XKR9: variants seen among roughly 807,000 people sequenced by gnomAD.
XKR9 encodes XK-related protein 9.
A neutral mutation model predicts 32.0 loss-of-function variants in XKR9; 32 were observed. The observed-to-expected ratio is 1.00, with a 90% CI of 0.76 to 1.34. XKR9 has a LOEUF of 1.34. Among genes scored for constraint, XKR9 ranks in the 40% most tolerant of loss-of-function variants. The pLI is 0.00. For synonymous variants in XKR9, 168 were observed against 143.4 expected (o/e 1.17, Z -1.22); for missense variants, 546 against 429.7 (o/e 1.27, Z -2.39).
the XKR9 span, among the ~76,000 whole-genome samples, chr8:71,036,967 G>A: frequency 6.6e-6 from 1 of 150,464 alleles, no homozygotes; most frequent in Non-Finnish European, 1.5e-5. Context: ...GCCTGCCTTG[G>A]CCTCCCAAAG....
the XKR9 span, among the ~76,000 whole-genome samples, chr8:70,885,762 A>C: frequency 6.6e-6 from 1 of 152,014 alleles, no homozygotes; most frequent in South Asian, 2.1e-4. Flanking sequence ...ACGCCCGGCT[A>C]ATTTTTTGTA....
At chr8:70,776,954 T>TATATATATATAC (rs1286110884) in intron 2 of XKR9, among the ~76,000 whole-genome samples, 80 of 89,208 alleles carry the variant, frequency 9.0e-4, no homozygotes, top group Admixed American at 1.8e-3. Context: ...TCTCTATATA[T>TATATATATATAC]ATATATATAT....
At chr8:70,807,122 A>G in the XKR9 span, among the ~76,000 whole-genome samples, 7 of 152,322 alleles carry the variant, frequency 4.6e-5, no homozygotes, top group African/African-American at 1.4e-4. Flanking sequence ...CAACATTCTT[A>G]AAGAAAAGAA....
At chr8:70,692,385 C>T (rs113677605) in intron 3 of XKR9, among the ~76,000 whole-genome samples, 5 of 148,692 alleles carry the variant, frequency 3.4e-5, no homozygotes, top group Non-Finnish European at 6.0e-5. Flanking sequence ...GACTCCTGCT[C>T]TTAGTATTTG....
the XKR9 span, among the ~76,000 whole-genome samples, chr8:70,918,240 A>C: frequency 1.3e-5 from 2 of 152,236 alleles, no homozygotes; most frequent in African/African-American, 4.8e-5. Flanking sequence ...AAGACAAAGT[A>C]TCCAGAGATT....
the XKR9 span, among the ~76,000 whole-genome samples, chr8:70,926,011 C>T: frequency 6.6e-6 from 1 of 152,160 alleles, no homozygotes; most frequent in East Asian, 1.9e-4. Flanking sequence ...ACACTAATGT[C>T]TTCAAGATGA....
intron 2 of XKR9, among the ~76,000 whole-genome samples, chr8:70,762,331 C>G (rs1381776694): frequency 6.6e-6 from 1 of 152,104 alleles, no homozygotes; most frequent in Non-Finnish European, 1.5e-5. Context: ...CAGGAGTCAC[C>G]AACCCCTGGG....
At chr8:71,010,803 C>T in the XKR9 span, among the ~76,000 whole-genome samples, 2 of 152,116 alleles carry the variant, frequency 1.3e-5, no homozygotes, top group Non-Finnish European at 2.9e-5. Flanking sequence ...TCTGCATTTT[C>T]ATATTTGAGT....
the XKR9 span, among the ~76,000 whole-genome samples, chr8:70,860,802 C>A: frequency 9.9e-5 from 15 of 151,980 alleles, no homozygotes; most frequent in Non-Finnish European, 1.8e-4. Context: ...GAGCTTTGGA[C>A]TTGGTTGTGT....
chr8:70,764,812 A>G (rs181327868), intron 2 of XKR9, among the ~76,000 whole-genome samples: 4 of 151,404 alleles, frequency 2.6e-5, no homozygotes, highest in Admixed American at 1.3e-4. Context: ...TTGTTGTTCA[A>G]CTCCCACTTA....
At chr8:70,705,631 A>T (rs1447911216) in intron 3 of XKR9, among the ~76,000 whole-genome samples, 1 of 152,138 alleles carries the variant, frequency 6.6e-6, no homozygotes, top group African/African-American at 2.4e-5. Flanking sequence ...TTGTGGTGGT[A>T]GCATGTGTGG....
At chr8:70,795,095 C>G (rs1807811705), downstream of XKR9, among the ~76,000 whole-genome samples, 1 of 151,598 alleles carries the variant, frequency 6.6e-6, no homozygotes, top group South Asian at 2.1e-4. Context: ...AGCTTAGTAC[C>G]CATTAGTTAT....
the XKR9 span, among the ~76,000 whole-genome samples, chr8:70,965,313 A>G: frequency 2.0e-5 from 3 of 152,144 alleles, no homozygotes; most frequent in African/African-American, 7.2e-5. Context: ...TATCATGGTG[A>G]ATAAGCTTTT....
chr8:70,757,708 C>T (rs191668076), intron 2 of XKR9, among the ~76,000 whole-genome samples: 181 of 152,174 alleles, frequency 1.2e-3, no homozygotes, highest in African/African-American at 4.3e-3. Context: ...GCCTTAGCCT[C>T]CCCAAGTAGC....
At chr8:70,945,668 T>C in the XKR9 span, among the ~76,000 whole-genome samples, 47 of 152,210 alleles carry the variant, frequency 3.1e-4, no homozygotes, top group African/African-American at 1.1e-3. Context: ...ATTCTTATTA[T>C]CTTATTTACA....
At chr8:70,975,515 T>A in the XKR9 span, among the ~76,000 whole-genome samples, 1 of 152,218 alleles carries the variant, frequency 6.6e-6, no homozygotes, top group Non-Finnish European at 1.5e-5. Flanking sequence ...TCCCCATTGC[T>A]TGTTTTTGTC....
Position 70,704,385 on chromosome 8 carries a change from A to T in XKR9, c.273-2548A>T, listed in dbSNP as rs777657945. On this transcript the variant is annotated intron_variant, in intron 3 of 4. Transcript: ENST00000408926. Reference sequence around the variant, plus strand: ...AAAGACACTGGACATTAAAATGTGTACATTTGTAGACAGCACTATCTGTTT... The same window carrying T: ...AAAGACACTGGACATTAAAATGTGTTCATTTGTAGACAGCACTATCTGTTT... 3.3e-5 allele frequency among the ~76,000 whole-genome samples: 5 copies of T among 152,154 alleles called. 1 individual carries two copies. The highest frequency in any genetic ancestry group is 7.4e-5 in the Non-Finnish European group (5 of 68,010).
intron 4 of XKR9, among the ~76,000 whole-genome samples, chr8:70,720,221 A>T (rs1806230672): frequency 6.6e-6 from 1 of 152,150 alleles, no homozygotes; most frequent in South Asian, 2.1e-4. Flanking sequence ...GGTATTCTAA[A>T]TATACAATCA....
chr8:70,894,473 A>G, the XKR9 span, among the ~76,000 whole-genome samples: 1 of 152,154 alleles, frequency 6.6e-6, no homozygotes, highest in Non-Finnish European at 1.5e-5. Flanking sequence ...GATGTAATGT[A>G]CTGTGTCACC....
Sources: gnomAD v4.1 joint callset for allele counts (sites outside exome capture counted in the v4.1 genomes callset) on GRCh38, gnomAD v4.1.1 for gene constraint, MANE v1.5 for transcripts, NCBI Gene and HGNC (gene_info 2026-07-23, HGNC 2026-07-21) for gene names.